Variants in SPRR2G observed in about 807,000 individuals in gnomAD.
The protein encoded by SPRR2G is small proline rich protein 2G.
In SPRR2G, 1 loss-of-function variant was observed where a neutral mutation model predicts 0.7. The ratio of observed to expected loss-of-function variants is 1.49; its 90% CI spans 0.53 to 7.06. The LOEUF (loss-of-function observed/expected upper bound fraction) is 7.06, where lower values mean the gene tolerates loss of function less well. Among genes scored for constraint, SPRR2G ranks in the 30% most tolerant of loss-of-function variants. The pLI is 0.14. For synonymous variants in SPRR2G, 38 were observed against 33.9 expected, an observed-to-expected ratio of 1.12 and a Z score of -0.42; for missense variants, 96 against 88.5, an observed-to-expected ratio of 1.09 and a Z score of -0.34.
chr1:153,167,724 C>G, the SPRR2G span, among the ~76,000 whole-genome samples: 1 of 151,966 alleles, frequency 6.6e-6, no homozygotes, highest in Non-Finnish European at 1.5e-5. Context: ...AGATATAAGC[C>G]AAAATATGTA....
the SPRR2G span, among the ~76,000 whole-genome samples, chr1:153,169,577 A>AC: frequency 1.9e-4 from 28 of 150,988 alleles, no homozygotes; most frequent in East Asian, 5.4e-3. Context: ...AAAAAAAAAA[A>AC]GCCACCAACC....
upstream of SPRR2G, among the ~76,000 whole-genome samples, chr1:153,154,294 A>C (rs986109840): frequency 3.0e-4 from 46 of 152,004 alleles, no homozygotes; most frequent in African/African-American, 1.1e-3. Flanking sequence ...TTCTATATTC[A>C]TCAGGGATGT....
the SPRR2G span, among the ~76,000 whole-genome samples, chr1:153,165,173 G>GATGA: frequency 6.8e-6 from 1 of 146,974 alleles, no homozygotes; most frequent in African/African-American, 2.4e-5. Context: ...TGGATGGATG[G>GATGA]ATGGATGGAT....
chr1:153,160,299 C>A, the SPRR2G span, among the ~76,000 whole-genome samples: 1 of 152,164 alleles, frequency 6.6e-6, no homozygotes, highest in Admixed American at 6.5e-5. Flanking sequence ...TTTTTCAATT[C>A]ATTCATCTGC....
chr1:153,201,088 T>A, the SPRR2G span, among the ~76,000 whole-genome samples: 1 of 152,290 alleles, frequency 6.6e-6, no homozygotes, highest in Non-Finnish European at 1.5e-5. Context: ...GACATTTATC[T>A]CTTCTTCCAG....
At chr1:153,186,255 G>A in the SPRR2G span, among the ~76,000 whole-genome samples, 3 of 152,130 alleles carry the variant, frequency 2.0e-5, no homozygotes, top group African/African-American at 7.2e-5. Context: ...CTGAGTTCAA[G>A]TCCTGAATAT....
the SPRR2G span, chr1:153,191,716 C>T: frequency 6.6e-6 from 1 of 152,274 alleles, no homozygotes; most frequent in East Asian, 1.9e-4. Context: ...GGTTCCCACA[C>T]CACACTTTGA....
At chr1:153,152,635 T>C (rs939491514), upstream of SPRR2G, among the ~76,000 whole-genome samples, 1 of 152,194 alleles carries the variant, frequency 6.6e-6, no homozygotes, top group South Asian at 2.1e-4. Flanking sequence ...TCTAAGTTAC[T>C]ATCAGGAAAC....
the SPRR2G span, chr1:153,191,007 G>A: frequency 6.6e-6 from 1 of 152,212 alleles, no homozygotes; most frequent in Non-Finnish European, 1.5e-5. Flanking sequence ...GGAAAGTGGA[G>A]ACTGAATGGT....
At chr1:153,153,460 T>G (rs1373092062), upstream of SPRR2G, among the ~76,000 whole-genome samples, 3 of 152,180 alleles carry the variant, frequency 2.0e-5, no homozygotes, top group Middle Eastern at 3.2e-3. Context: ...CTGACGGACA[T>G]TTTTGTAAGG....
chr1:153,186,492 C>A, the SPRR2G span, among the ~76,000 whole-genome samples: 1 of 151,970 alleles, frequency 6.6e-6, no homozygotes, highest in African/African-American at 2.4e-5. Context: ...ATTTTTTGAC[C>A]TTTGTTGGTT....
the SPRR2G span, among the ~76,000 whole-genome samples, chr1:153,165,290 T>C: frequency 6.6e-6 from 1 of 151,998 alleles, no homozygotes; most frequent in Non-Finnish European, 1.5e-5. Context: ...AAATAGGATA[T>C]TCTAAGTTAA....
the SPRR2G span, among the ~76,000 whole-genome samples, chr1:153,164,804 T>C: frequency 3.9e-5 from 6 of 152,204 alleles, no homozygotes; most frequent in African/African-American, 1.4e-4. Flanking sequence ...GACCCACAGT[T>C]GGTTGAATCC....
the SPRR2G span, among the ~76,000 whole-genome samples, chr1:153,171,879 T>C: frequency 1.3e-5 from 2 of 152,148 alleles, no homozygotes; most frequent in Admixed American, 1.3e-4. Context: ...CCTCTTGAGC[T>C]CTGCCCAATG....
chr1:153,150,268 T>C (rs963593485), intron 1 of SPRR2G, 137 bp from the exon 2 acceptor site: 27 of 1,285,952 alleles, frequency 2.1e-5, no homozygotes, highest in South Asian at 1.5e-4. Flanking sequence ...GTGAACCTTC[T>C]TCACACTTCA....
chr1:153,168,202 T>A, the SPRR2G span, among the ~76,000 whole-genome samples: 1 of 152,326 alleles, frequency 6.6e-6, no homozygotes, highest in Admixed American at 6.5e-5. Flanking sequence ...CTGGAAACAC[T>A]CAGTTCCATA....
At chr1:153,184,430 G>T in the SPRR2G span, among the ~76,000 whole-genome samples, 1 of 152,122 alleles carries the variant, frequency 6.6e-6, no homozygotes, top group African/African-American at 2.4e-5. Flanking sequence ...CACGTCCATT[G>T]TAAGTTGCAT....
the SPRR2G span, among the ~76,000 whole-genome samples, chr1:153,165,211 T>C: frequency 6.3e-5 from 9 of 143,506 alleles, no homozygotes; most frequent in East Asian, 6.5e-4. Context: ...GACGGACGGA[T>C]GGATGGATCA....
chr1:153,197,128 G>C, the SPRR2G span, among the ~76,000 whole-genome samples: 7 of 143,808 alleles, frequency 4.9e-5, no homozygotes, highest in African/African-American at 1.8e-4. Flanking sequence ...TCACCAGGCA[G>C]AGAATGTGTG....
Sources: allele counts gnomAD v4.1 joint callset (sites outside exome capture counted in the v4.1 genomes callset), GRCh38; gene constraint gnomAD v4.1.1; transcripts MANE v1.5; gene names NCBI Gene and HGNC (gene_info 2026-07-23, HGNC 2026-07-21).